ATXN3: variants seen among roughly 807,000 people sequenced by gnomAD.
ATXN3 encodes ataxin 3.
A neutral mutation model predicts 58.2 loss-of-function variants in ATXN3; 28 were observed. The ratio of observed to expected loss-of-function variants is 0.48; its 90% CI spans 0.36 to 0.66. ATXN3 has a LOEUF of 0.66. Among genes scored for constraint, ATXN3 ranks in the 30% least tolerant of loss-of-function variants. ATXN3 has a pLI of 0.00. For missense variants in ATXN3, 321 were observed against 422.1 expected, an observed-to-expected ratio of 0.76 and a Z score of 2.10; for synonymous variants, 113 against 138.5, an observed-to-expected ratio of 0.82 and a Z score of 1.29.
chr14:92,103,479 A>C (rs2067346459), intron 1 of ATXN3, among the ~76,000 whole-genome samples: 1 of 152,110 alleles, frequency 6.6e-6, no homozygotes, highest in Non-Finnish European at 1.5e-5. Context: ...TCTGTCCCCT[A>C]GGCTGGAGTG....
downstream of ATXN3, among the ~76,000 whole-genome samples, chr14:92,057,290 C>T (rs2057478657): frequency 6.6e-6 from 1 of 152,136 alleles, no homozygotes; most frequent in South Asian, 2.1e-4. Context: ...GTGGTGCACG[C>T]CTGTAGTCCC....
chr14:92,056,095 G>A (rs1251985659), downstream of ATXN3, among the ~76,000 whole-genome samples: 2 of 150,362 alleles, frequency 1.3e-5, no homozygotes, highest in Non-Finnish European at 1.5e-5. Flanking sequence ...AAGCAATGGA[G>A]GTGGCATAGA....
chr14:92,071,582 G>GTCT, intron 9 of ATXN3: 1 of 286,556 alleles, frequency 3.5e-6, no homozygotes, highest in South Asian at 3.4e-5. Context: ...GGGCGACAGA[G>GTCT]CGAGACTCTG....
At position 92,082,459 on chromosome 14, in the gene ATXN3, T is replaced by C. The variant is rs1270142975; in HGVS notation, c.616A>G (p.Lys206Glu). ...TCTAACACTCGTTCCAGGTCTGTTT[T>C]ATGGACTCTAAAGAACAAAAGCACT... ...LAQLKEQRVH[K>E]TDLERVLEAN... is the part of the protein sequence containing the mutation. Residue 206 changes from lysine (K) to glutamate (E), a missense_variant, in exon 8 of 11, where the codon AAA becomes GAA. Lys to Glu is a moderately conservative substitution (Grantham distance 56, BLOSUM62 1). Transcript: ENST00000644486. 1.2e-6 allele frequency: 2 copies of C among 1,613,500 alleles called. No homozygotes were observed. The highest frequency in any genetic ancestry group is 2.2e-5 in the East Asian group (1 of 44,874).
intron 9 of ATXN3, among the ~76,000 whole-genome samples, chr14:92,079,972 A>T (rs1207756788): frequency 6.6e-6 from 1 of 152,134 alleles, no homozygotes; most frequent in Non-Finnish European, 1.5e-5. Flanking sequence ...TCCTGACCTC[A>T]GGTGATCCAC....
At position 92,082,122 on chromosome 14, in the gene ATXN3, T is replaced by C. The variant is rs2295177; in HGVS notation, c.775+178A>G. Among the ~76,000 whole-genome samples the C allele has an allele frequency of 7.0e-4, 107 of 152,254 alleles. 1 individual carries two copies. In the East Asian group the frequency reaches 0.019, roughly 27 times the overall value. ...AAATATAACTACTCCTAATAAAATATAGGTTGTAAAAAGTGATTTCCATTA... is the reference window on the plus strand; with the variant it reads ...AAATATAACTACTCCTAATAAAATACAGGTTGTAAAAAGTGATTTCCATTA... On this transcript the variant is annotated intron_variant, in intron 8 of 10. Transcript: ENST00000644486.
intron 2 of ATXN3, among the ~76,000 whole-genome samples, chr14:92,045,341 C>T (rs79772886): frequency 0.025 from 3,784 of 152,128 alleles, 142 homozygotes; most frequent in African/African-American, 0.086. Context: ...AGTCCGTTAT[C>T]GGACTGTATA....
intron 10 of ATXN3, among the ~76,000 whole-genome samples, chr14:92,064,735 A>G (rs1174263099): frequency 1.3e-5 from 2 of 152,202 alleles, no homozygotes; most frequent in African/African-American, 4.8e-5. Context: ...AAAAGGCATC[A>G]GTAGGTATGT....
intron 10 of ATXN3, among the ~76,000 whole-genome samples, chr14:92,068,129 G>T (rs1457868008): frequency 6.6e-6 from 1 of 152,142 alleles, no homozygotes; most frequent in Non-Finnish European, 1.5e-5. Context: ...TTACTGGGTG[G>T]AAGTTCAGCC....
chr14:92,048,671 G>T (rs2057437424), intron 1 of ATXN3, among the ~76,000 whole-genome samples: 1 of 152,188 alleles, frequency 6.6e-6, no homozygotes, highest in Non-Finnish European at 1.5e-5. Context: ...GGGCAGGTAG[G>T]GGAGGGCTAG....
intron 6 of ATXN3, among the ~76,000 whole-genome samples, chr14:92,085,012 G>A (rs973907218): frequency 2.0e-5 from 3 of 152,148 alleles, no homozygotes; most frequent in African/African-American, 7.2e-5. Flanking sequence ...GAGGACAACT[G>A]TATTCAGAGT....
intron 8 of ATXN3, among the ~76,000 whole-genome samples, chr14:92,081,469 AAAAAAAAAAAAAAAAAAGAAAG>A (rs2061460666): frequency 1.3e-5 from 1 of 76,664 alleles, no homozygotes; most frequent in Admixed American, 1.0e-4. Flanking sequence ...CTGACTCAAA[AAAAAAAAAAAAAAAAAAGAAAG>A]AAAAAAAAAA....
chr14:92,073,063 T>C (rs953981195), intron 9 of ATXN3, among the ~76,000 whole-genome samples: 1 of 152,242 alleles, frequency 6.6e-6, no homozygotes, highest in African/African-American at 2.4e-5. Flanking sequence ...GACTGAGTTA[T>C]GGAGAATTCC....
chr14:92,093,898 A>G, intron 3 of ATXN3, 67 bp from the exon 4 acceptor site: 3 of 933,070 alleles, frequency 3.2e-6, no homozygotes, highest in Non-Finnish European at 5.2e-6. Flanking sequence ...AAGTGTAGCT[A>G]TGTTAGTTGT....
chr14:92,054,371 A>T (rs1269721533), downstream of ATXN3, among the ~76,000 whole-genome samples: 2 of 152,220 alleles, frequency 1.3e-5, no homozygotes, highest in Non-Finnish European at 2.9e-5. Context: ...GTCCTTGCCG[A>T]TAAAACAGGT....
rs544864800 is a variant in ATXN3 at position 92,091,458 on chromosome 14, GGAAA to G, written c.387+1790_387+1793del. ...AGAGCAAGAATCCGTCTCAAAAGAAGGAAAGAAAGAAAGAAAGAACCAACTTAGG... is the reference window on the plus strand; with the variant it reads ...AGAGCAAGAATCCGTCTCAAAAGAAGGAAAGAAAGAAAGAACCAACTTAGG... On this transcript the variant is annotated intron_variant, in intron 5 of 10. Coordinates refer to ENST00000644486, the MANE Select transcript of ATXN3 (RefSeq NM_004993.6). Among the ~76,000 whole-genome samples, 721 of 98,438 alleles carry G rather than the reference GGAAA, an allele frequency of 7.3e-3. 9 individuals carry two copies. Among genetic ancestry groups the G allele is most frequent in the African/African-American group, 0.024 (680 of 27,966 alleles). The allele number at this position is 98,438 out of a possible 152,430, so 64.6% of individuals were successfully genotyped here.
chr14:92,049,742 C>CA (rs1265973260), exon 1 of ATXN3: 1 of 153,594 alleles, frequency 6.5e-6, no homozygotes, highest in Non-Finnish European at 1.4e-5. Context: ...TCTTCAGCAC[C>CA]AAATGTCACA....
chr14:92,096,492 C>A (rs1014923436), intron 2 of ATXN3, 182 bp downstream of exon 2: 5 of 753,856 alleles, frequency 6.6e-6, no homozygotes, highest in Non-Finnish European at 1.0e-5. Context: ...GGCATAGTGC[C>A]GTGTGCCTGT....
At chr14:92,077,979 T>C (rs2060728946) in intron 9 of ATXN3, among the ~76,000 whole-genome samples, 2 of 103,754 alleles carry the variant, frequency 1.9e-5, no homozygotes, top group Admixed American at 8.5e-5. Context: ...TTCTTTTCTC[T>C]TTTTTTTTTT....
Sources: allele counts gnomAD v4.1 joint callset (sites outside exome capture counted in the v4.1 genomes callset), GRCh38; gene constraint gnomAD v4.1.1; transcripts MANE v1.5; gene names NCBI Gene and HGNC (gene_info 2026-07-23, HGNC 2026-07-21).